The following ATL2 variants were observed in gnomAD, a reference collection of about 807,000 sequenced individuals.
ATL2 encodes atlastin-2.
In ATL2, 31 loss-of-function variants were observed where a neutral mutation model predicts 73.9. The observed-to-expected ratio is 0.42, with a 90% CI of 0.32 to 0.57. The LOEUF (loss-of-function observed/expected upper bound fraction) is 0.57, where lower values mean the gene tolerates loss of function less well. Ranked by LOEUF, ATL2 falls within the 20% of genes least tolerant of loss-of-function variation. The probability of loss-of-function intolerance (pLI) is 0.14; values close to 1 mark genes in which losing one functional copy is unlikely to be tolerated. For synonymous variants in ATL2, 291 were observed against 237.5 expected (o/e 1.23, Z -2.07); for missense variants, 738 against 702.6 (o/e 1.05, Z -0.57).
At chr2:38,312,792 C>T (rs773504532) in intron 7 of ATL2, among the ~76,000 whole-genome samples, 1 of 151,922 alleles carries the variant, frequency 6.6e-6, no homozygotes, top group African/African-American at 2.4e-5. Context: ...CCCAGTCATG[C>T]TTCCTGTTAA....
At chr2:38,366,093 A>G (rs1046724713) in intron 1 of ATL2, among the ~76,000 whole-genome samples, 1 of 149,738 alleles carries the variant, frequency 6.7e-6, no homozygotes, top group African/African-American at 2.5e-5. Flanking sequence ...AATGTGACTA[A>G]TTTGAAAAAA....
chr2:38,369,490 G>C (rs996759783), intron 1 of ATL2, among the ~76,000 whole-genome samples: 6 of 151,380 alleles, frequency 4.0e-5, no homozygotes, highest in African/African-American at 1.5e-4. Context: ...GTTTCACTAT[G>C]TTGGTCAGGC....
intron 2 of ATL2, among the ~76,000 whole-genome samples, chr2:38,336,489 T>C (rs1669363418): frequency 6.6e-6 from 1 of 152,204 alleles, no homozygotes; most frequent in Non-Finnish European, 1.5e-5. Context: ...AAGTTACATT[T>C]GTACTCACAC....
chr2:38,354,934 T>C (rs1433890000), intron 1 of ATL2, among the ~76,000 whole-genome samples: 1 of 151,442 alleles, frequency 6.6e-6, no homozygotes, highest in East Asian at 1.9e-4. Context: ...CAAAATAAAA[T>C]AGTAAAAAAT....
chr2:38,310,295 A>G lies in ATL2; in HGVS notation c.943+14T>C. ...TAAATAAGTTCAGATTTTAGCAAGA[A>G]TGGGAATTCCCACCTTTCAATCTCC... On this transcript the variant is annotated intron_variant, in intron 8 of 12. Coordinates refer to ENST00000378954, the MANE Select transcript of ATL2 (RefSeq NM_001135673.4). 1 of 1,608,776 alleles carries G rather than the reference A, an allele frequency of 6.2e-7. No individual in the cohort carries two copies.
chr2:38,373,832 T>G (rs1225578784), intron 1 of ATL2, among the ~76,000 whole-genome samples: 1 of 151,714 alleles, frequency 6.6e-6, no homozygotes, highest in Non-Finnish European at 1.5e-5. Flanking sequence ...CTTCTTTCTA[T>G]AATATCTACC....
chr2:38,321,025 C>T (rs1225742344), intron 2 of ATL2, among the ~76,000 whole-genome samples: 1 of 150,936 alleles, frequency 6.6e-6, no homozygotes, highest in Non-Finnish European at 1.5e-5. Flanking sequence ...CGTGGCGGCA[C>T]ATGCCTGTAA....
At chr2:38,365,553 G>A (rs1466825594) in intron 1 of ATL2, among the ~76,000 whole-genome samples, 1 of 152,114 alleles carries the variant, frequency 6.6e-6, no homozygotes, top group Non-Finnish European at 1.5e-5. Flanking sequence ...CACTTTCGGA[G>A]GCCAAGGTGG....
chr2:38,377,216 C>G lies in ATL2; in HGVS notation c.45G>C (p.Gln15His), dbSNP rs770993377. 2.5e-5 allele frequency: 40 copies of G among 1,607,922 alleles called. No homozygotes were observed. In the Admixed American group the frequency reaches 4.7e-4, roughly 19 times the overall value. Residue 15 changes from glutamine to histidine, a missense_variant, in exon 1 of 13, where the codon CAG (glutamine) becomes CAC (histidine). Transcript: ENST00000378954. ...DEAARGQQPH[Q>H]GLWRRRRTSD... ...TGGTCCGTCGCCGGCGCCACAGCCC[C>G]TGGTGCGGTTGCTGCCCTCGCGCTG...
At chr2:38,366,673 G>A (rs1671349374) in intron 1 of ATL2, among the ~76,000 whole-genome samples, 1 of 152,058 alleles carries the variant, frequency 6.6e-6, no homozygotes, top group Non-Finnish European at 1.5e-5. Flanking sequence ...TAAGCTTAAC[G>A]ATAAACTTAA....
At chr2:38,337,506 A>G (rs906541595) in intron 2 of ATL2, among the ~76,000 whole-genome samples, 9 of 147,740 alleles carry the variant, frequency 6.1e-5, no homozygotes, top group Non-Finnish European at 1.0e-4. Flanking sequence ...AAAAAAAAAA[A>G]AAAAAAAAAA....
At chr2:38,325,037 T>C (rs1668519678) in intron 2 of ATL2, among the ~76,000 whole-genome samples, 1 of 152,206 alleles carries the variant, frequency 6.6e-6, no homozygotes, top group Admixed American at 6.5e-5. Flanking sequence ...AGGTAAATTT[T>C]ATGTTATGTA....
chr2:38,313,387 C>G (rs1269567892), intron 6 of ATL2, 144 bp from the exon 7 acceptor site: 1 of 603,344 alleles, frequency 1.7e-6, no homozygotes, highest in Non-Finnish European at 2.8e-6. Flanking sequence ...CAGTACTGGT[C>G]ATGGTTATAT....
intron 2 of ATL2, among the ~76,000 whole-genome samples, chr2:38,337,256 G>A (rs1455784447): frequency 2.6e-5 from 4 of 151,770 alleles, no homozygotes; most frequent in Non-Finnish European, 5.9e-5. Context: ...AGGCTGAGGT[G>A]GGAGGATCAT....
intron 6 of ATL2, among the ~76,000 whole-genome samples, chr2:38,313,802 A>G (rs1424599179): frequency 1.3e-5 from 2 of 152,174 alleles, no homozygotes; most frequent in African/African-American, 4.8e-5. Flanking sequence ...TATGCTAGAT[A>G]CCAAGAGGCA....
At chr2:38,296,791 A>T in intron 12 of ATL2, 1 of 1,521,452 alleles carries the variant, frequency 6.6e-7, no homozygotes, top group Non-Finnish European at 8.8e-7. Context: ...CCTTACCTAA[A>T]CTATACTGAA....
intron 2 of ATL2, among the ~76,000 whole-genome samples, chr2:38,337,522 G>C (rs1369773221): frequency 9.8e-6 from 1 of 102,188 alleles, no homozygotes; most frequent in African/African-American, 3.4e-5. Context: ...AAAAAAGGCA[G>C]TTGAGGCAAC....
At chr2:38,300,781 G>A (rs925134376) in intron 9 of ATL2, among the ~76,000 whole-genome samples, 13 of 151,682 alleles carry the variant, frequency 8.6e-5, no homozygotes, top group African/African-American at 3.2e-4. Context: ...TTTCCAAGTG[G>A]CTGAAACTAC....
chr2:38,315,026 C>T (rs1033451459), intron 5 of ATL2, among the ~76,000 whole-genome samples: 9 of 152,274 alleles, frequency 5.9e-5, no homozygotes, highest in South Asian at 4.1e-4. Flanking sequence ...CCGAGGCGGG[C>T]GGATCACCCA....
Sources: gnomAD v4.1 joint callset for allele counts (sites outside exome capture counted in the v4.1 genomes callset) on GRCh38, gnomAD v4.1.1 for gene constraint, MANE v1.5 for transcripts, NCBI Gene and HGNC (gene_info 2026-07-23, HGNC 2026-07-21) for gene names.